EFNA5: variants seen among roughly 807,000 people sequenced by gnomAD.
EFNA5 encodes the protein ephrin-A5.
In EFNA5, 5 loss-of-function variants were observed where a neutral mutation model predicts 22.9. That is an observed-to-expected ratio of 0.22 (90% CI 0.11 to 0.46). EFNA5 has a LOEUF of 0.46. EFNA5 is among the 20% of genes least tolerant of loss of function. The pLI is 0.99. For missense variants in EFNA5, 237 were observed against 293.3 expected, an observed-to-expected ratio of 0.81 and a Z score of 1.40; for synonymous variants, 113 against 112.2, an observed-to-expected ratio of 1.01 and a Z score of -0.04.
At chr5:107,414,478 G>A (rs1382908061) in intron 2 of EFNA5, among the ~76,000 whole-genome samples, 3 of 152,038 alleles carry the variant, frequency 2.0e-5, no homozygotes, top group Non-Finnish European at 4.4e-5. Context: ...TCTCCACACT[G>A]TCCCCTACAT....
intron 4 of EFNA5, among the ~76,000 whole-genome samples, chr5:107,386,124 G>A (rs1237551059): frequency 9.0e-6 from 1 of 111,636 alleles, no homozygotes; most frequent in Non-Finnish European, 1.7e-5. Flanking sequence ...TTAGTTTCTA[G>A]GACCATAAGG....
chr5:107,511,315 T>G (rs1343589791), intron 1 of EFNA5, among the ~76,000 whole-genome samples: 1 of 152,156 alleles, frequency 6.6e-6, no homozygotes, highest in East Asian at 1.9e-4. Context: ...AGTGAGCCAC[T>G]GCTCCCGGCA....
chr5:107,602,185 G>A (rs1360819990), intron 1 of EFNA5, among the ~76,000 whole-genome samples: 1 of 152,174 alleles, frequency 6.6e-6, no homozygotes, highest in Non-Finnish European at 1.5e-5. Context: ...GCTGTTTTCA[G>A]TCTCCATTTA....
At chr5:107,417,356 CT>C (rs1269850763) in intron 2 of EFNA5, among the ~76,000 whole-genome samples, 2 of 152,224 alleles carry the variant, frequency 1.3e-5, no homozygotes, top group Non-Finnish European at 2.9e-5. Context: ...AAGCTTTAAA[CT>C]TTAAAACCAA....
In EFNA5 at chr5:107,381,217, C is replaced by T. The variant is rs775869655; in HGVS notation, c.*38G>A. On this transcript the variant is annotated 3_prime_UTR_variant, in exon 5 of 5. Coordinates refer to ENST00000333274, the MANE Select transcript of EFNA5 (RefSeq NM_001962.3). ...GGTGGATCTCTGGTGTTCCAAGACC[C>T]TGATGTTTTCTGTGACAAGTGATGG... 5.7e-6 allele frequency: 9 copies of T among 1,591,484 alleles called. No individual in the cohort carries two copies. In the South Asian group the frequency reaches 9.0e-5, roughly 16 times the overall value.
At chr5:107,624,131 T>G (rs1750097782) in intron 1 of EFNA5, among the ~76,000 whole-genome samples, 1 of 152,084 alleles carries the variant, frequency 6.6e-6, no homozygotes, top group African/African-American at 2.4e-5. Context: ...AGGGCATTCA[T>G]CCTACCTTAA....
At chr5:107,505,831 T>TC (rs1020484237) in intron 1 of EFNA5, among the ~76,000 whole-genome samples, 7 of 151,734 alleles carry the variant, frequency 4.6e-5, no homozygotes, top group South Asian at 4.2e-4. Flanking sequence ...TCTTTTTCTC[T>TC]CCCCCCCACC....
intron 1 of EFNA5, among the ~76,000 whole-genome samples, chr5:107,475,296 T>A (rs1468848289): frequency 1.3e-5 from 2 of 152,246 alleles, no homozygotes; most frequent in African/African-American, 4.8e-5. Context: ...GTGAGATGGC[T>A]AATCATTTCA....
intron 1 of EFNA5, among the ~76,000 whole-genome samples, chr5:107,519,884 A>G (rs1245837876): frequency 2.6e-5 from 4 of 152,224 alleles, no homozygotes; most frequent in African/African-American, 9.7e-5. Flanking sequence ...TTGAACTGTA[A>G]GCACCACTCT....
chr5:107,534,151 G>A (rs1172714810), intron 1 of EFNA5, among the ~76,000 whole-genome samples: 1 of 152,230 alleles, frequency 6.6e-6, no homozygotes, highest in Non-Finnish European at 1.5e-5. Flanking sequence ...ACTGTCTGCA[G>A]AGATAAGGTT....
At chr5:107,383,662 G>A (rs1168082615) in intron 4 of EFNA5, among the ~76,000 whole-genome samples, 2 of 152,018 alleles carry the variant, frequency 1.3e-5, no homozygotes, top group Non-Finnish European at 1.5e-5. Flanking sequence ...TCCTTGTATA[G>A]CTTGCAAGTG....
rs535453829 is a variant in EFNA5 at position 107,439,338 on chromosome 5, GA to G, written c.126-11830del. On this transcript the variant is annotated intron_variant, in intron 1 of 4. Coordinates refer to ENST00000333274, the MANE Select transcript of EFNA5 (RefSeq NM_001962.3). ...GGACTTCTAGCCTCCAAAACTGTGA[GA>G]AAATAAATCTCTGTTGTTTAAGCCA... Among the ~76,000 whole-genome samples, 481 of 152,236 alleles carry G rather than the reference GA, an allele frequency of 3.2e-3. 2 individuals are homozygous for G. The highest frequency in any genetic ancestry group is 0.011 in the African/African-American group (463 of 41,546).
chr5:107,565,562 A>T, intron 1 of EFNA5, among the ~76,000 whole-genome samples: 1 of 152,178 alleles, frequency 6.6e-6, no homozygotes, highest in East Asian at 1.9e-4. Flanking sequence ...TTATGTTTTC[A>T]TCATTTGCAC....
chr5:107,446,558 T>TCCTGGCTAA (rs1229689148), intron 1 of EFNA5, among the ~76,000 whole-genome samples: 1 of 151,900 alleles, frequency 6.6e-6, no homozygotes, highest in East Asian at 1.9e-4. Flanking sequence ...GACCAGACCA[T>TCCTGGCTAA]CCTGGCTAAC....
At position 107,380,655 on chromosome 5, in the gene EFNA5, A is replaced by T; in HGVS notation, c.*600T>A. On this transcript the variant is annotated 3_prime_UTR_variant, in exon 5 of 5. Transcript: ENST00000333274. ...TGCTTTAAGACAGTCATATTAAAAA[A>T]AAAAACCAGTGTCTCAACCTTTTAG... The T allele has an allele frequency of 2.5e-6, 1 of 397,042 alleles. No homozygotes were observed. Among genetic ancestry groups the T allele is most frequent in the Non-Finnish European group, 4.4e-6 (1 of 225,240 alleles). The allele number at this position is 397,042 out of a possible 1,614,324, so 24.6% of individuals were successfully genotyped here. A position where few individuals can be genotyped will look rare whatever the true frequency, so the allele number is the denominator to read the frequency against.
chr5:107,382,307 G>A (rs1162751841), intron 4 of EFNA5, among the ~76,000 whole-genome samples: 1 of 152,056 alleles, frequency 6.6e-6, no homozygotes, highest in Non-Finnish European at 1.5e-5. Context: ...TCTGCTCCAG[G>A]GCTGCCTGTC....
chr5:107,452,059 A>G (rs773060382), intron 1 of EFNA5, among the ~76,000 whole-genome samples: 2 of 152,186 alleles, frequency 1.3e-5, no homozygotes, highest in Non-Finnish European at 2.9e-5. Flanking sequence ...AAGGAATGAG[A>G]TCGTGTCCTT....
At chr5:107,640,976 G>GTAGGTAGA (rs1554070884) in intron 1 of EFNA5, among the ~76,000 whole-genome samples, 17 of 145,454 alleles carry the variant, frequency 1.2e-4, no homozygotes, top group African/African-American at 3.3e-4. Flanking sequence ...AGGTAGGCAG[G>GTAGGTAGA]TAGATAGATA....
At chr5:107,637,691 T>C (rs1279459209) in intron 1 of EFNA5, among the ~76,000 whole-genome samples, 1 of 148,718 alleles carries the variant, frequency 6.7e-6, no homozygotes, top group Non-Finnish European at 1.5e-5. Flanking sequence ...ATATAATCAG[T>C]TTAAATTTAA....
Sources: allele counts gnomAD v4.1 joint callset (sites outside exome capture counted in the v4.1 genomes callset), GRCh38; gene constraint gnomAD v4.1.1; transcripts MANE v1.5; gene names NCBI Gene and HGNC (gene_info 2026-07-23, HGNC 2026-07-21).